Variants in THRB observed in about 807,000 individuals in gnomAD.
THRB encodes nuclear receptor subfamily 1 group A member 2.
In THRB, 12 loss-of-function variants were observed where a neutral mutation model predicts 47.8. The observed-to-expected ratio is 0.25, with a 90% CI of 0.16 to 0.41. The LOEUF (loss-of-function observed/expected upper bound fraction) is 0.41. Among genes scored for constraint, THRB ranks in the 10% least tolerant of loss-of-function variants. The probability of loss-of-function intolerance (pLI) is 1.00; values close to 1 mark genes in which losing one functional copy is unlikely to be tolerated. For missense variants in THRB, 348 were observed against 589.2 expected, an observed-to-expected ratio of 0.59 and a Z score of 4.24; for synonymous variants, 218 against 212.2, an observed-to-expected ratio of 1.03 and a Z score of -0.24.
chr3:24,301,980 C>G (rs1372093723), intron 2 of THRB, among the ~76,000 whole-genome samples: 1 of 152,052 alleles, frequency 6.6e-6, no homozygotes, highest in African/African-American at 2.4e-5. Flanking sequence ...CTCAGAGGCT[C>G]CAGGCTGAAA....
rs188045300 is a variant in THRB, at chr3:24,461,906, C to T, written c.-261+32746G>A. On this transcript the variant is annotated intron_variant, in intron 1 of 10. Transcript: ENST00000646209. ...CATCTTTAGCACAGATTGCCATGCA[C>T]CTATTAAAAATAATTTTAAAGAATA... Among the ~76,000 whole-genome samples, 391 of 152,068 alleles carry T rather than the reference C, an allele frequency of 2.6e-3. 2 individuals carry two copies. Among genetic ancestry groups the T allele is most frequent in the African/African-American group, 9.0e-3 (374 of 41,466 alleles).
At chr3:24,272,601 G>A (rs970279309) in intron 3 of THRB, among the ~76,000 whole-genome samples, 1 of 152,136 alleles carries the variant, frequency 6.6e-6, no homozygotes, top group Non-Finnish European at 1.5e-5. Context: ...TCCCTGGCAA[G>A]GAATTTTTGC....
At chr3:24,270,398 A>C (rs2053198930) in intron 3 of THRB, among the ~76,000 whole-genome samples, 1 of 152,214 alleles carries the variant, frequency 6.6e-6, no homozygotes, top group Non-Finnish European at 1.5e-5. Flanking sequence ...CAGGTCAGAG[A>C]TGAGCTGGAA....
chr3:24,453,379 T>C (rs900952123), intron 1 of THRB, among the ~76,000 whole-genome samples: 2 of 152,180 alleles, frequency 1.3e-5, no homozygotes, highest in African/African-American at 4.8e-5. Flanking sequence ...AGAGAGGAAG[T>C]TAGTACTATA....
rs117844329 is a variant in THRB at position 24,318,998 on chromosome 3, G to T, written c.-189+18302C>A. Among the ~76,000 whole-genome samples, 240 of 152,316 alleles carry T rather than the reference G, an allele frequency of 1.6e-3. 6 individuals carry two copies. Among genetic ancestry groups the T allele is most frequent in the Admixed American group, 0.012 (182 of 15,298 alleles). On this transcript the variant is annotated intron_variant, in intron 2 of 10. Coordinates refer to ENST00000646209, the MANE Select transcript of THRB (RefSeq NM_001354712.2). ...CTTCTACATGACATTCAACGTTTAT[G>T]ACTCACCCATTTTAGGTGAAAATGC...
chr3:24,391,727 C>T lies in THRB; in HGVS notation c.-260-54356G>A, dbSNP rs1164010535. On this transcript the variant is annotated intron_variant, in intron 1 of 10. Transcript: ENST00000646209. ...CTGGTCCGTCCTCCATTTTCAAAATCGAATACTTCCTCTGTCCTCTCCTTT... is the reference window on the plus strand; with the variant it reads ...CTGGTCCGTCCTCCATTTTCAAAATTGAATACTTCCTCTGTCCTCTCCTTT... 2.0e-5 allele frequency among the ~76,000 whole-genome samples: 3 copies of T among 152,086 alleles called. 1 individual carries two copies. Among genetic ancestry groups the T allele is most frequent in the South Asian group, 4.1e-4 (2 of 4,828 alleles).
chr3:24,123,244 G>A (rs1457392491), intron 10 of THRB, 119 bp from the exon 11 acceptor site: 5 of 1,444,574 alleles, frequency 3.5e-6, no homozygotes, highest in East Asian at 4.5e-5. Flanking sequence ...TCTTAGCCAT[G>A]AGCATGGATG....
intron 3 of THRB, among the ~76,000 whole-genome samples, chr3:24,266,316 A>G (rs574935510): frequency 6.6e-6 from 1 of 152,206 alleles, no homozygotes; most frequent in Non-Finnish European, 1.5e-5. Context: ...TTGGCTAAAG[A>G]GTAGGAATAG....
intron 7 of THRB, among the ~76,000 whole-genome samples, chr3:24,145,947 C>T (rs1394271783): frequency 6.6e-6 from 1 of 152,114 alleles, no homozygotes; most frequent in Non-Finnish European, 1.5e-5. Flanking sequence ...TTCTGAATGA[C>T]ATGATTCTTA....
intron 1 of THRB, among the ~76,000 whole-genome samples, chr3:24,375,571 T>C (rs889137837): frequency 4.0e-5 from 6 of 149,010 alleles, no homozygotes; most frequent in Non-Finnish European, 8.9e-5. Context: ...ACTAATTATA[T>C]TGATATACAG....
chr3:24,272,980 A>T (rs1322985959), intron 3 of THRB, among the ~76,000 whole-genome samples: 2 of 152,146 alleles, frequency 1.3e-5, no homozygotes. Flanking sequence ...GTTGGTTTTG[A>T]CTCAGAGTTT....
chr3:24,342,260 C>T (rs1166017857), intron 1 of THRB, among the ~76,000 whole-genome samples: 1 of 151,202 alleles, frequency 6.6e-6, no homozygotes, highest in Non-Finnish European at 1.5e-5. Context: ...TCCAGGAAAA[C>T]ATAAACTGGT....
At chr3:24,482,533 GTCTCCCTC>G (rs1229038399) in intron 1 of THRB, among the ~76,000 whole-genome samples, 20 of 105,274 alleles carry the variant, frequency 1.9e-4, no homozygotes, top group African/African-American at 7.0e-4. Flanking sequence ...CTTTCTTTCT[GTCTCCCTC>G]TCTCTCTCTC....
intron 5 of THRB, among the ~76,000 whole-genome samples, chr3:24,154,701 C>G (rs2037532549): frequency 6.6e-6 from 1 of 152,112 alleles, no homozygotes; most frequent in Non-Finnish European, 1.5e-5. Flanking sequence ...CACAAAGTAA[C>G]TCAATTAGGA....
intron 4 of THRB, among the ~76,000 whole-genome samples, chr3:24,215,698 G>C (rs989733206): frequency 1.2e-4 from 19 of 152,318 alleles, no homozygotes; most frequent in African/African-American, 4.3e-4. Flanking sequence ...CAGCTAGACT[G>C]CATTTCCCAG....
intron 4 of THRB, among the ~76,000 whole-genome samples, chr3:24,194,978 C>A (rs758969911): frequency 6.6e-6 from 1 of 152,190 alleles, no homozygotes; most frequent in Non-Finnish European, 1.5e-5. Flanking sequence ...AGACTGACTG[C>A]AAACCATATT....
chr3:24,306,944 A>T (rs918402323), intron 2 of THRB, among the ~76,000 whole-genome samples: 11 of 149,142 alleles, frequency 7.4e-5, no homozygotes, highest in African/African-American at 2.9e-4. Flanking sequence ...ATCTGGTTCT[A>T]AAAAAAGTCA....
chr3:24,339,077 T>C (rs1455682519), intron 1 of THRB, among the ~76,000 whole-genome samples: 2 of 152,216 alleles, frequency 1.3e-5, no homozygotes, highest in African/African-American at 4.8e-5. Flanking sequence ...ATGGCAATTA[T>C]GTATACATAT....
At chr3:24,250,313 G>C (rs73148305) in intron 3 of THRB, among the ~76,000 whole-genome samples, 1,606 of 152,236 alleles carry the variant, frequency 0.011, 31 homozygotes, top group African/African-American at 0.036. Context: ...GCCTGTTGGT[G>C]CAATGTTTCA....
Sources: gnomAD v4.1 joint callset for allele counts (sites outside exome capture counted in the v4.1 genomes callset) on GRCh38, gnomAD v4.1.1 for gene constraint, MANE v1.5 for transcripts, NCBI Gene and HGNC (gene_info 2026-07-23, HGNC 2026-07-21) for gene names.